The following PAQR5 variants were observed in gnomAD, a reference collection of about 807,000 sequenced individuals.
PAQR5 encodes the protein progestin and adipoQ receptor family member 5.
Under a neutral mutation model 34.5 loss-of-function variants are expected in PAQR5, and 20 were observed. That is an observed-to-expected ratio of 0.58 (90% CI 0.41 to 0.84). The LOEUF (loss-of-function observed/expected upper bound fraction) is 0.84. Among genes scored for constraint, PAQR5 ranks in the 40% least tolerant of loss-of-function variants. The pLI, the probability that PAQR5 is intolerant of heterozygous loss-of-function variation, is 0.00. For missense variants in PAQR5, 378 were observed against 412.7 expected (o/e 0.92, Z 0.73); for synonymous variants, 131 against 155.6 (o/e 0.84, Z 1.18).
At chr15:69,390,360 A>ATTTTATTT (rs1555423102) in intron 6 of PAQR5, among the ~76,000 whole-genome samples, 1 of 135,840 alleles carries the variant, frequency 7.4e-6, no homozygotes, top group African/African-American at 2.7e-5. Flanking sequence ...TTATTTATTT[A>ATTTTATTT]TTTTTTTGAG....
intron 4 of PAQR5, among the ~76,000 whole-genome samples, chr15:69,382,011 A>G (rs368796333): frequency 2.0e-5 from 3 of 152,270 alleles, no homozygotes; most frequent in South Asian, 2.1e-4. Flanking sequence ...CCTGGTGAAG[A>G]ATTTTGAAGT....
chr15:69,333,460 ACT>A (rs749191833), intron 1 of PAQR5, among the ~76,000 whole-genome samples: 9 of 151,994 alleles, frequency 5.9e-5, no homozygotes, highest in Non-Finnish European at 1.3e-4. Flanking sequence ...GGGATACTTG[ACT>A]CTGCACACTT....
At chr15:69,300,988 T>C (rs1323471615) in intron 1 of PAQR5, among the ~76,000 whole-genome samples, 1 of 107,078 alleles carries the variant, frequency 9.3e-6, no homozygotes, top group African/African-American at 3.6e-5. Context: ...TCTTTCTTTC[T>C]TTCTTTCTTT....
At chr15:69,309,388 G>A (rs1333774346) in intron 1 of PAQR5, among the ~76,000 whole-genome samples, 1 of 152,176 alleles carries the variant, frequency 6.6e-6, no homozygotes, top group Non-Finnish European at 1.5e-5. Context: ...AGAAGTGCCT[G>A]GGGATTTTGA....
In PAQR5 at chr15:69,397,448, A is replaced by T. The variant is rs2056477715; in HGVS notation, c.513-20A>T. On this transcript the variant is annotated intron_variant, in intron 6 of 8. Transcript: ENST00000395407. Reference sequence around the variant, plus strand: ...ACTCTTTTCATTCCATTTCCTCCCCACTTTCCTTCCCTGATTTAGGTTTCT... The same window carrying T: ...ACTCTTTTCATTCCATTTCCTCCCCTCTTTCCTTCCCTGATTTAGGTTTCT... 6.5e-7 allele frequency: 1 copy of T among 1,545,872 alleles called. No individual in the cohort carries two copies. Among genetic ancestry groups the T allele is most frequent in the Non-Finnish European group, 8.9e-7 (1 of 1,117,748 alleles).
rs1566995886 is a variant in PAQR5, at chr15:69,319,195, A to ACG, written c.-276-18146_-276-18145insCG. 6.8e-4 allele frequency among the ~76,000 whole-genome samples: 42 copies of ACG among 61,810 alleles called. 2 individuals are homozygous for ACG. The highest frequency in any genetic ancestry group is 1.9e-3 in the African/African-American group (42 of 21,820). 40.5% of individuals were successfully genotyped at this position (61,810 alleles called of 152,430 possible). A position where few individuals can be genotyped will look rare whatever the true frequency, so the allele number is the denominator to read the frequency against. ...TATATATATATATATATATATATATATATATATATATATATATGAATGTGG... is the reference window on the plus strand; with the variant it reads ...TATATATATATATATATATATATATACGTATATATATATATATATGAATGTGG... On this transcript the variant is annotated intron_variant, in intron 1 of 8. Transcript: ENST00000395407.
At chr15:69,306,763 A>G (rs186165232) in intron 1 of PAQR5, among the ~76,000 whole-genome samples, 2 of 152,254 alleles carry the variant, frequency 1.3e-5, no homozygotes, top group Non-Finnish European at 2.9e-5. Context: ...ATTGTTGTGC[A>G]ACCATCACCA....
At chr15:69,347,789 G>C (rs1451631459) in intron 2 of PAQR5, among the ~76,000 whole-genome samples, 1 of 152,148 alleles carries the variant, frequency 6.6e-6, no homozygotes, top group Non-Finnish European at 1.5e-5. Flanking sequence ...GGGCAGGTGA[G>C]TTCTCTGGGG....
chr15:69,393,183 G>A (rs1270170921), intron 6 of PAQR5, among the ~76,000 whole-genome samples: 1 of 64,836 alleles, frequency 1.5e-5, no homozygotes, highest in Non-Finnish European at 3.4e-5. Context: ...GTGGGCATGT[G>A]GCCCTTCCAG....
intron 1 of PAQR5, among the ~76,000 whole-genome samples, chr15:69,300,605 CTTT>C: frequency 2.3e-5 from 1 of 42,580 alleles, no homozygotes; most frequent in Non-Finnish European, 5.8e-5. Flanking sequence ...TTCTTTCTTT[CTTT>C]CTTTCTTTCT....
At chr15:69,376,385 G>A (rs2055707666) in intron 3 of PAQR5, among the ~76,000 whole-genome samples, 1 of 152,188 alleles carries the variant, frequency 6.6e-6, no homozygotes, top group Non-Finnish European at 1.5e-5. Flanking sequence ...TCTGCTCTAT[G>A]CAAAACACTT....
intron 1 of PAQR5, among the ~76,000 whole-genome samples, chr15:69,305,615 A>G (rs901317292): frequency 1.3e-5 from 2 of 151,940 alleles, no homozygotes; most frequent in African/African-American, 4.8e-5. Flanking sequence ...GTAATCATCT[A>G]TTCATGCCCT....
intron 2 of PAQR5, among the ~76,000 whole-genome samples, chr15:69,359,126 G>A (rs1018329192): frequency 4.6e-5 from 7 of 152,098 alleles, no homozygotes; most frequent in African/African-American, 9.7e-5. Context: ...ATGGTGGAAG[G>A]GGCGAACAAG....
chr15:69,305,497 C>T (rs957289536), intron 1 of PAQR5, among the ~76,000 whole-genome samples: 2 of 151,634 alleles, frequency 1.3e-5, no homozygotes, highest in Non-Finnish European at 2.9e-5. Context: ...CCTTGGGTTA[C>T]ATAAGTCGGG....
At chr15:69,379,720 G>A (rs1250487880) in intron 3 of PAQR5, 163 bp from the exon 4 acceptor site, 1 of 751,278 alleles carries the variant, frequency 1.3e-6, no homozygotes, top group Non-Finnish European at 1.6e-6. Context: ...GATTTTAGAA[G>A]CTACTGCGAG....
At chr15:69,338,929 T>C (rs1414362710) in intron 2 of PAQR5, among the ~76,000 whole-genome samples, 1 of 152,164 alleles carries the variant, frequency 6.6e-6, no homozygotes, top group Non-Finnish European at 1.5e-5. Context: ...GAAATTATGA[T>C]TTAGGAATCT....
At chr15:69,402,386 T>C (rs1184086846) in intron 8 of PAQR5, among the ~76,000 whole-genome samples, 2 of 152,054 alleles carry the variant, frequency 1.3e-5, no homozygotes, top group Non-Finnish European at 2.9e-5. Flanking sequence ...GGCATGATCT[T>C]GGCTCGCTGC....
chr15:69,331,733 G>A (rs902849589), intron 1 of PAQR5, among the ~76,000 whole-genome samples: 3 of 152,134 alleles, frequency 2.0e-5, no homozygotes, highest in East Asian at 1.9e-4. Context: ...AGGGAGCAAC[G>A]GGAAAAAGTT....
At chr15:69,387,698 G>T (rs1019961856) in intron 5 of PAQR5, among the ~76,000 whole-genome samples, 5 of 152,276 alleles carry the variant, frequency 3.3e-5, no homozygotes, top group Non-Finnish European at 7.4e-5. Context: ...AAGCCCATGT[G>T]GTCCACCACC....
Sources: allele counts gnomAD v4.1 joint callset (sites outside exome capture counted in the v4.1 genomes callset), GRCh38; gene constraint gnomAD v4.1.1; transcripts MANE v1.5; gene names NCBI Gene and HGNC (gene_info 2026-07-23, HGNC 2026-07-21).